Variants in HIGD2A observed in about 807,000 individuals in gnomAD.
HIGD2A encodes HIG1 domain family member 2A, mitochondrial.
Under a neutral mutation model 6.3 loss-of-function variants are expected in HIGD2A, and 4 were observed. That is an observed-to-expected ratio of 0.64 (90% CI 0.31 to 1.46). The LOEUF (loss-of-function observed/expected upper bound fraction) is 1.46. HIGD2A is among the 40% of genes most tolerant of loss of function. The probability of loss-of-function intolerance (pLI) is 0.07; values close to 1 mark genes in which losing one functional copy is unlikely to be tolerated. For missense variants in HIGD2A, 143 were observed against 144.8 expected, an observed-to-expected ratio of 0.99 and a Z score of 0.06; for synonymous variants, 63 against 59.3, an observed-to-expected ratio of 1.06 and a Z score of -0.29.
rs760989082 is a variant in HIGD2A at position 176,389,489 on chromosome 5, C to T, written c.313C>T (p.Arg105Ter). The T allele has an allele frequency of 1.2e-6, 2 of 1,612,834 alleles. No homozygotes were observed. Among genetic ancestry groups the T allele is most frequent in the South Asian group, 2.2e-5 (2 of 90,948 alleles). Residue 105 changes from arginine to a stop codon, truncating the protein, a stop_gained, in exon 2 of 2, where the codon CGA becomes TGA. Coordinates refer to ENST00000274787, the MANE Select transcript of HIGD2A (RefSeq NM_138820.4). LOFTEE classifies it high-confidence loss of function. ...LGLAVTAMKSRP is the reference protein window; with the variant it reads ...LGLAVTAMKS ...TCTGGCTGTCACTGCTATGAAGTCT[C>T]GACCCTAAGCCCAGGGTCTGGCCTT...
Position 176,388,872 on chromosome 5 carries a change from C to T in HIGD2A, c.53C>T (p.Pro18Leu), listed in dbSNP as rs746411841. The T allele has an allele frequency of 1.2e-6, 2 of 1,614,088 alleles. No individual in the cohort carries two copies. The highest frequency in any genetic ancestry group is 2.7e-5 in the African/African-American group (2 of 74,932). Reference protein sequence around the residue: ...IPEVPFEPSKPPVIEGLSPTV... With the variant: ...IPEVPFEPSKLPVIEGLSPTV... ...GAGGTCCCCTTTGAACCATCGAAGC[C>T]TCCAGTCATTGAGGGGCTGAGCCCC... Residue 18 changes from proline to leucine, a missense_variant, in exon 1 of 2, where the codon CCT becomes CTT. Coordinates refer to ENST00000274787, the MANE Select transcript of HIGD2A (RefSeq NM_138820.4).
At position 176,389,596 on chromosome 5, in the gene HIGD2A, G is replaced by C; in HGVS notation, c.*99G>C. On this transcript the variant is annotated 3_prime_UTR_variant, in exon 2 of 2. Coordinates refer to ENST00000274787, the MANE Select transcript of HIGD2A (RefSeq NM_138820.4). ...GGACTTACTCCCTCCTCTCCTTTGA[G>C]AGGCCCATGTGTCGCTGGGGAGGAA... is the stretch of plus-strand genomic sequence containing the variant. 2 of 1,313,672 alleles carry C rather than the reference G, an allele frequency of 1.5e-6. No individual in the cohort carries two copies. 81.4% of individuals were successfully genotyped at this position (1,313,672 alleles called of 1,614,324 possible).
At chr5:176,389,237 C>T in intron 1 of HIGD2A, 94 bp from the exon 2 acceptor site, 2 of 1,432,850 alleles carry the variant, frequency 1.4e-6, no homozygotes, top group South Asian at 1.3e-5. Flanking sequence ...CGCTGTGATC[C>T]AGAGATCTTG....
chr5:176,389,610 G>A lies in HIGD2A; in HGVS notation c.*113G>A. The A allele has an allele frequency of 8.5e-7, 1 of 1,169,624 alleles. No individual in the cohort carries two copies. The highest frequency in any genetic ancestry group is 1.6e-5 in the South Asian group (1 of 62,382). 72.5% of individuals were successfully genotyped at this position (1,169,624 alleles called of 1,614,324 possible). On this transcript the variant is annotated 3_prime_UTR_variant, in exon 2 of 2. Coordinates refer to ENST00000274787, the MANE Select transcript of HIGD2A (RefSeq NM_138820.4). ...CTCTCCTTTGAGAGGCCCATGTGTCGCTGGGGAGGAAGTGACCCTTTGTGT... is the reference window on the plus strand; with the variant it reads ...CTCTCCTTTGAGAGGCCCATGTGTCACTGGGGAGGAAGTGACCCTTTGTGT...
chr5:176,388,847 G>A lies in HIGD2A; in HGVS notation c.28G>A (p.Glu10Lys), dbSNP rs753924522. 5 of 1,614,114 alleles carry A rather than the reference G, an allele frequency of 3.1e-6. No homozygotes were observed. The highest frequency in any genetic ancestry group is 4.2e-6 in the Non-Finnish European group (5 of 1,180,012). The change falls in exon 1 of 2, where the codon GAG becomes AAG. Residue 10 changes from glutamate to lysine, a missense_variant. Coordinates refer to ENST00000274787, the MANE Select transcript of HIGD2A (RefSeq NM_138820.4). ...GGCGACTCCCGGCCCTGTGATTCCGGAGGTCCCCTTTGAACCATCGAAGCC... is the reference window on the plus strand; with the variant it reads ...GGCGACTCCCGGCCCTGTGATTCCGAAGGTCCCCTTTGAACCATCGAAGCC... MATPGPVIP[E>K]VPFEPSKPPV... is the part of the protein sequence containing the mutation.
At chr5:176,389,052 T>C (rs1282765542) in intron 1 of HIGD2A, 79 bp downstream of exon 1, 7 of 1,546,796 alleles carry the variant, frequency 4.5e-6, no homozygotes, top group African/African-American at 4.1e-5. Context: ...ACCAGAGCGC[T>C]AGCGGGGAGC....
Position 176,389,341 on chromosome 5 carries a change from C to T in HIGD2A, c.165C>T (p.Ala55=), listed in dbSNP as rs1232103844. 1.2e-6 allele frequency: 2 copies of T among 1,613,226 alleles called. No homozygotes were observed. The highest frequency in any genetic ancestry group is 1.7e-6 in the Non-Finnish European group (2 of 1,179,592). Residue 55 remains alanine (A), a synonymous_variant, in exon 2 of 2, where the codon GCC becomes GCT. Transcript: ENST00000274787. ...ENPVVPIGCL[A]TAAALTYGLY... is the part of the protein sequence containing the mutation. Reference sequence around the variant, plus strand: ...TTGTCCCCTCCTCAGGTTGCCTGGCCACGGCGGCCGCCCTCACCTACGGCC... The same window carrying T: ...TTGTCCCCTCCTCAGGTTGCCTGGCTACGGCGGCCGCCCTCACCTACGGCC...
chr5:176,389,423 A>G lies in HIGD2A; in HGVS notation c.247A>G (p.Ile83Val). Reference protein sequence around the residue: ...QRSQLMMRTRIAAQGFTVAAI... With the variant: ...QRSQLMMRTRVAAQGFTVAAI... ...CTCTCAGCTCATGATGCGCACCCGG[A>G]TCGCCGCCCAGGGTTTCACGGTCGC... The change falls in exon 2 of 2, where the codon ATC becomes GTC. Residue 83 changes from isoleucine (I) to valine (V), a missense_variant. Transcript: ENST00000274787. 1 of 1,614,104 alleles carries G rather than the reference A, an allele frequency of 6.2e-7. No individual in the cohort carries two copies. Among genetic ancestry groups the G allele is most frequent in the Non-Finnish European group, 8.5e-7 (1 of 1,180,022 alleles).
At position 176,389,608 on chromosome 5, in the gene HIGD2A, T is replaced by C; in HGVS notation, c.*111T>C. 8.4e-7 allele frequency: 1 copy of C among 1,189,730 alleles called. No individual in the cohort carries two copies. The highest frequency in any genetic ancestry group is 1.6e-5 in the South Asian group (1 of 63,352). The allele number at this position is 1,189,730 out of a possible 1,614,324, so 73.7% of individuals were successfully genotyped here. A position where few individuals can be genotyped will look rare whatever the true frequency, so the allele number is the denominator to read the frequency against. On this transcript the variant is annotated 3_prime_UTR_variant, in exon 2 of 2. Transcript: ENST00000274787. ...TCCTCTCCTTTGAGAGGCCCATGTG[T>C]CGCTGGGGAGGAAGTGACCCTTTGT...
At chr5:176,389,260 C>A in intron 1 of HIGD2A, 71 bp from the exon 2 acceptor site, 2 of 1,516,174 alleles carry the variant, frequency 1.3e-6, no homozygotes, top group Non-Finnish European at 1.8e-6. Context: ...TTTGGGGAAG[C>A]GAGACCCAAA....
Position 176,389,587 on chromosome 5 carries a change from C to G in HIGD2A, c.*90C>G. ...CCTACCGTGGGACTTACTCCCTCCTCTCCTTTGAGAGGCCCATGTGTCGCT... is the reference window on the plus strand; with the variant it reads ...CCTACCGTGGGACTTACTCCCTCCTGTCCTTTGAGAGGCCCATGTGTCGCT... On this transcript the variant is annotated 3_prime_UTR_variant, in exon 2 of 2. Transcript: ENST00000274787. The G allele has an allele frequency of 6.5e-6, 9 of 1,382,748 alleles. No individual in the cohort carries two copies. Among genetic ancestry groups the G allele is most frequent in the Non-Finnish European group, 7.9e-6 (8 of 1,014,120 alleles). 85.7% of individuals were successfully genotyped at this position (1,382,748 alleles called of 1,614,324 possible). A position where few individuals can be genotyped will look rare whatever the true frequency, so the allele number is the denominator to read the frequency against.
At chr5:176,389,020 G>A (rs1381597286) in intron 1 of HIGD2A, 47 bp downstream of exon 1, 2 of 1,604,930 alleles carry the variant, frequency 1.2e-6, no homozygotes, top group African/African-American at 1.3e-5. Flanking sequence ...CAGTGATGTC[G>A]GAGGGAAGGA....
chr5:176,389,017 G>A (rs72807213), intron 1 of HIGD2A, 44 bp downstream of exon 1: 4 of 1,607,342 alleles, frequency 2.5e-6, no homozygotes, highest in Non-Finnish European at 3.4e-6. Flanking sequence ...GGACAGTGAT[G>A]TCGGAGGGAA....
Position 176,389,309 on chromosome 5 carries a change from A to G in HIGD2A, c.155-22A>G, listed in dbSNP as rs573064498. The G allele has an allele frequency of 3.2e-5, 52 of 1,602,132 alleles. No homozygotes were observed. In the South Asian group the frequency reaches 5.4e-4, roughly 17 times the overall value. The stretch of plus-strand genomic sequence containing the variant: ...TGCGGGGCCCGACCTGCTGTTTCCC[A>G]GTTGCTTTGTCCCCTCCTCAGGTTG... On this transcript the variant is annotated intron_variant, in intron 1 of 1. Coordinates refer to ENST00000274787, the MANE Select transcript of HIGD2A (RefSeq NM_138820.4).
At chr5:176,389,029 G>C (rs1247496285) in intron 1 of HIGD2A, 56 bp downstream of exon 1, 3 of 1,594,114 alleles carry the variant, frequency 1.9e-6, no homozygotes, top group African/African-American at 1.3e-5. Flanking sequence ...CGGAGGGAAG[G>C]AAGTAGAGAA....
chr5:176,388,933 G>C lies in HIGD2A; in HGVS notation c.114G>C (p.Lys38Asn), dbSNP rs760939524. 1 of 1,614,222 alleles carries C rather than the reference G, an allele frequency of 6.2e-7. No homozygotes were observed. The highest frequency in any genetic ancestry group is 8.5e-7 in the Non-Finnish European group (1 of 1,180,044). Reference sequence around the variant, plus strand: ...GGAATCCAGAGAGTTTCAAGGAAAAGTTCGTTCGCAAGACCCGCGAGAACC... The same window carrying C: ...GGAATCCAGAGAGTTTCAAGGAAAACTTCGTTCGCAAGACCCGCGAGAACC... ...VYRNPESFKEKFVRKTRENPV... is the reference protein window; with the variant it reads ...VYRNPESFKENFVRKTRENPV... The change falls in exon 1 of 2, where the codon AAG (lysine) becomes AAC (asparagine). Residue 38 changes from lysine to asparagine, a missense_variant. By Grantham distance (94) the Lys-to-Asn change is moderately conservative. Transcript: ENST00000274787.
Position 176,388,980 on chromosome 5 carries a change from G to A in HIGD2A, c.154+7G>A. On this transcript the variant is annotated splice_region_variant and intron_variant, in intron 1 of 1. Coordinates refer to ENST00000274787, the MANE Select transcript of HIGD2A (RefSeq NM_138820.4). ...AACCCGGTGGTACCCATAGGTAAGT[G>A]GGTGCGGTAGGAACTGCACAAGGAG... 6.2e-7 allele frequency: 1 copy of A among 1,613,854 alleles called. No individual in the cohort carries two copies. Among genetic ancestry groups the A allele is most frequent in the Non-Finnish European group, 8.5e-7 (1 of 1,179,938 alleles).
rs375604823 is a variant in HIGD2A at position 176,388,784 on chromosome 5, G to C, written c.-36G>C. 5 of 1,602,474 alleles carry C rather than the reference G, an allele frequency of 3.1e-6. No individual in the cohort carries two copies. The highest frequency in any genetic ancestry group is 4.3e-6 in the Non-Finnish European group (5 of 1,174,728). ...TGACCTTCACCGGGAGGCTGAGGTC[G>C]GAGTCCCGATTTTCTCCTGCTGCTG... On this transcript the variant is annotated 5_prime_UTR_variant, in exon 1 of 2. Transcript: ENST00000274787.
At position 176,388,819 on chromosome 5, in the gene HIGD2A, C is replaced by T. The variant is rs762696953; in HGVS notation, c.-1C>T. The T allele has an allele frequency of 4.3e-6, 7 of 1,613,546 alleles. No homozygotes were observed. The South Asian group carries it at 6.6e-5, about 15-fold the overall frequency. The stretch of plus-strand genomic sequence containing the variant: ...TTTTCTCCTGCTGCTGTGGCCCGGA[C>T]ATGGCGACTCCCGGCCCTGTGATTC... On this transcript the variant is annotated 5_prime_UTR_variant, in exon 1 of 2. Coordinates refer to ENST00000274787, the MANE Select transcript of HIGD2A (RefSeq NM_138820.4).
Sources: allele counts gnomAD v4.1 joint callset, GRCh38; gene constraint gnomAD v4.1.1; transcripts MANE v1.5; gene names NCBI Gene and HGNC (gene_info 2026-07-23, HGNC 2026-07-21).